Variants in MRPL28 observed in about 807,000 individuals in gnomAD.
The protein encoded by MRPL28 is mitochondrial ribosomal protein L28.
In MRPL28, 25 loss-of-function variants were observed where a neutral mutation model predicts 26.2. That is an observed-to-expected ratio of 0.95 (90% CI 0.69 to 1.33). MRPL28 has a LOEUF of 1.33. Ranked by LOEUF, MRPL28 falls within the 40% of genes most tolerant of loss-of-function variation. The pLI is 0.00. For missense variants in MRPL28, 432 were observed against 327.2 expected, an observed-to-expected ratio of 1.32 and a Z score of -2.47; for synonymous variants, 227 against 140.1, an observed-to-expected ratio of 1.62 and a Z score of -4.38.
At position 368,925 on chromosome 16, in the gene MRPL28, G is replaced by A. The variant is rs1027075756; in HGVS notation, c.441+143C>T. ...AACCCCACTGGTGCTGGCCAGAAAGGGGCATGGCCCCACTCACGCTTTCCC... is the reference window on the plus strand; with the variant it reads ...AACCCCACTGGTGCTGGCCAGAAAGAGGCATGGCCCCACTCACGCTTTCCC... On this transcript the variant is annotated intron_variant, in intron 3 of 5. Transcript: ENST00000199706. 3.5e-6 allele frequency: 4 copies of A among 1,152,094 alleles called. No individual in the cohort carries two copies. The South Asian group carries it at 4.8e-5, about 14-fold the overall frequency. The allele number at this position is 1,152,094 out of a possible 1,614,324, so 71.4% of individuals were successfully genotyped here. A position where few individuals can be genotyped will look rare whatever the true frequency, so the allele number is the denominator to read the frequency against.
At position 367,540 on chromosome 16, in the gene MRPL28, T is replaced by A. The variant is rs1240049584; in HGVS notation, c.*135A>T. 1.2e-6 allele frequency: 1 copy of A among 822,976 alleles called. No individual in the cohort carries two copies. Among genetic ancestry groups the A allele is most frequent in the African/African-American group, 1.7e-5 (1 of 58,978 alleles). The allele number at this position is 822,976 out of a possible 1,614,324, so 51.0% of individuals were successfully genotyped here. A position where few individuals can be genotyped will look rare whatever the true frequency, so the allele number is the denominator to read the frequency against. On this transcript the variant is annotated 3_prime_UTR_variant, in exon 6 of 6. Transcript: ENST00000199706. Reference sequence around the variant, plus strand: ...AGCTGGCCCCGGGCTGGAAGGTGCATGGGCAGCACACGAAACCAGGATCCA... The same window carrying A: ...AGCTGGCCCCGGGCTGGAAGGTGCAAGGGCAGCACACGAAACCAGGATCCA...
intron 2 of MRPL28, chr16:369,496 G>GACCCC (rs1256048868): frequency 1.6e-6 from 1 of 630,272 alleles, no homozygotes. Flanking sequence ...AAACATGTGC[G>GACCCC]ACCCCACAGT....
rs757199021 is a variant in MRPL28, at chr16:370,152, G to T, written c.67C>A (p.Arg23Ser). ...RLQLREGICS[R>S]LPGHYLRSLE... ...GAGCGCAGGTAGTGGCCGGGCAGGC[G>T]GGAACAGATGCCCTCCCGCAGCTGC... The change falls in exon 2 of 6, where the codon CGC (arginine) becomes AGC (serine). Residue 23 changes from arginine to serine, a missense_variant. Arg to Ser is a moderately radical substitution (Grantham distance 110, BLOSUM62 -1). Transcript: ENST00000199706. The T allele has an allele frequency of 6.2e-7, 1 of 1,602,440 alleles. No individual in the cohort carries two copies. The highest frequency in any genetic ancestry group is 8.5e-7 in the Non-Finnish European group (1 of 1,176,540).
chr16:367,769 A>G lies in MRPL28; in HGVS notation c.677T>C (p.Leu226Pro). Reference sequence around the variant, plus strand: ...CAGCTCCGCCACATAGATCTTGAACAGGGGTACAGGGTCCTGAAGGAGAGA... The same window carrying G: ...CAGCTCCGCCACATAGATCTTGAACGGGGGTACAGGGTCCTGAAGGAGAGA... ...RLLEEKDPVP[L>P]FKIYVAELIQ... Residue 226 changes from leucine to proline, a missense_variant, in exon 6 of 6, where the codon CTG (leucine) becomes CCG (proline). Physicochemically the swap from Leu to Pro is moderately conservative, Grantham distance 98. Transcript: ENST00000199706. 3 of 1,613,720 alleles carry G rather than the reference A, an allele frequency of 1.9e-6. No individual in the cohort carries two copies. The highest frequency in any genetic ancestry group is 2.5e-6 in the Non-Finnish European group (3 of 1,179,970).
At position 370,183 on chromosome 16, in the gene MRPL28, C is replaced by T. The variant is rs904902651; in HGVS notation, c.36G>A (p.Lys12=). The T allele has an allele frequency of 6.3e-7, 1 of 1,598,682 alleles. No individual in the cohort carries two copies. The highest frequency in any genetic ancestry group is 8.5e-7 in the Non-Finnish European group (1 of 1,176,754). The part of the protein sequence containing the change: ...PLHKYPVWLW[K]RLQLREGICS... ...AGATGCCCTCCCGCAGCTGCAGCCG[C>T]TTCCAGAGCCACACGGGATACTTGT... Residue 12 remains lysine (K), a synonymous_variant, in exon 2 of 6, where the codon AAG becomes AAA. Coordinates refer to ENST00000199706, the MANE Select transcript of MRPL28 (RefSeq NM_006428.5).
intron 2 of MRPL28, 34 bp from the exon 3 acceptor site, chr16:369,254 T>C: frequency 6.3e-7 from 1 of 1,599,190 alleles, no homozygotes; most frequent in East Asian, 2.3e-5. Context: ...TGAGTACTGC[T>C]GCTTTCTCTT....
intron 5 of MRPL28, 50 bp from the exon 6 acceptor site, chr16:367,832 G>A: frequency 1.3e-6 from 2 of 1,527,382 alleles, no homozygotes; most frequent in South Asian, 1.1e-5. Flanking sequence ...CAGGGCAGCT[G>A]GAGTTCCGAC....
rs893174904 is a variant in MRPL28, at chr16:367,147, G to A, written c.*528C>T. 1.3e-5 allele frequency among the ~76,000 whole-genome samples: 2 copies of A among 152,202 alleles called. No individual in the cohort carries two copies. The highest frequency in any genetic ancestry group is 4.8e-5 in the African/African-American group (2 of 41,446). ...TTGAACTCTGGAGGTGGAGGTTGTA[G>A]TGAGTCCAGATCGTGCCACTGCACT... On this transcript the variant is annotated 3_prime_UTR_variant, in exon 6 of 6. Coordinates refer to ENST00000199706, the MANE Select transcript of MRPL28 (RefSeq NM_006428.5).
chr16:369,881 G>A (rs780310334), intron 2 of MRPL28, 50 bp downstream of exon 2: 65 of 1,567,098 alleles, frequency 4.1e-5, no homozygotes, highest in Non-Finnish European at 5.4e-5. Flanking sequence ...GCACAGAGCC[G>A]GCACAGCCAA....
In MRPL28 at chr16:369,990, G is replaced by A; in HGVS notation, c.229C>T (p.Arg77Trp). ...IPIYFPPESQ[R>W]GLWGGEGWIL... ...CAGCCCTCGCCGCCCCACAACCCCC[G>A]CTGGGATTCGGGGGGAAAGTAGATG... Residue 77 changes from arginine to tryptophan, a missense_variant, in exon 2 of 6, where the codon CGG becomes TGG. Transcript: ENST00000199706. 6.2e-7 allele frequency: 1 copy of A among 1,612,962 alleles called. No homozygotes were observed. Among genetic ancestry groups the A allele is most frequent in the Non-Finnish European group, 8.5e-7 (1 of 1,179,838 alleles).
At position 368,473 on chromosome 16, in the gene MRPL28, G is replaced by C. The variant is rs201192649; in HGVS notation, c.576+28C>G. The C allele has an allele frequency of 7.6e-5, 123 of 1,612,362 alleles. No individual in the cohort carries two copies. The African/African-American group carries it at 1.4e-3, about 19-fold the overall frequency. ...CCAGGGCCGGGCCACGAGTCCCCAG[G>C]TGTAGGGAGCGGGACGGAAACCCTC... On this transcript the variant is annotated intron_variant, in intron 4 of 5. Coordinates refer to ENST00000199706, the MANE Select transcript of MRPL28 (RefSeq NM_006428.5).
rs1484850127 is a variant in MRPL28 at position 367,058 on chromosome 16, G to A, written c.*617C>T. On this transcript the variant is annotated 3_prime_UTR_variant, in exon 6 of 6. Coordinates refer to ENST00000199706, the MANE Select transcript of MRPL28 (RefSeq NM_006428.5). ...CCCCTTCTCTACTAAAATACAATTA[G>A]CCATACATGATAGCGGGGTGCCTGT... 6.6e-6 allele frequency among the ~76,000 whole-genome samples: 1 copy of A among 152,002 alleles called. No individual in the cohort carries two copies. Among genetic ancestry groups the A allele is most frequent in the East Asian group, 1.9e-4 (1 of 5,184 alleles).
At position 367,281 on chromosome 16, in the gene MRPL28, G is replaced by A. The variant is rs62032959; in HGVS notation, c.*394C>T. 0.26 allele frequency: 152,325 copies of A among 584,738 alleles called. 22,646 individuals carry two copies. The highest frequency in any genetic ancestry group is 0.46 in the South Asian group (20,248 of 44,164). The allele number at this position is 584,738 out of a possible 1,614,324, so 36.2% of individuals were successfully genotyped here. On this transcript the variant is annotated 3_prime_UTR_variant, in exon 6 of 6. Coordinates refer to ENST00000199706, the MANE Select transcript of MRPL28 (RefSeq NM_006428.5). ...TGCAGCTCACCGGGGGACGGGCACA[G>A]CCAGAGTCAATGCCCACGGCTCATC...
rs766466872 is a variant in MRPL28, at chr16:370,239, G to T, written c.-7-14C>A. 6.5e-7 allele frequency: 1 copy of T among 1,537,476 alleles called. No individual in the cohort carries two copies. Among genetic ancestry groups the T allele is most frequent in the South Asian group, 1.2e-5 (1 of 84,146 alleles). ...GGCATCGCGAGCCTGGCGGGAGGTG[G>T]GGGCTCGCAGTCAGTCGCAGCCTGG... On this transcript the variant is annotated splice_polypyrimidine_tract_variant and intron_variant, in intron 1 of 5. Transcript: ENST00000199706.
intron 2 of MRPL28, 63 bp from the exon 3 acceptor site, chr16:369,283 A>AG (rs11434190): frequency 1 from 1,579,835 of 1,579,866 alleles, 789,902 homozygotes; most frequent in Middle Eastern, 1. Context: ...AGGGGGGCCC[A>AG]GGCAACTGCC....
chr16:370,259 G>A, intron 1 of MRPL28, 34 bp from the exon 2 acceptor site: 1 of 1,303,738 alleles, frequency 7.7e-7, no homozygotes, highest in Non-Finnish European at 9.9e-7. Flanking sequence ...GTCAGTCGCA[G>A]CCTGGCCAGG....
intron 5 of MRPL28, among the ~76,000 whole-genome samples, chr16:368,100 G>A (rs2054277230): frequency 6.6e-6 from 1 of 152,184 alleles, no homozygotes; most frequent in Non-Finnish European, 1.5e-5. Context: ...AACCCTCAGT[G>A]CAGGAACCCA....
Position 368,529 on chromosome 16 carries a change from C to A in MRPL28, c.548G>T (p.Arg183Leu). 3 of 1,594,650 alleles carry A rather than the reference C, an allele frequency of 1.9e-6. No homozygotes were observed. The highest frequency in any genetic ancestry group is 1.7e-4 in the Middle Eastern group (1 of 5,972). The change falls in exon 4 of 6, where the codon CGG (arginine) becomes CTG (leucine). Residue 183 changes from arginine (R) to leucine (L), a missense_variant. Coordinates refer to ENST00000199706, the MANE Select transcript of MRPL28 (RefSeq NM_006428.5). ...DPQLHPEDPE[R>L]RAAIYDKYKE... is the part of the protein sequence containing the mutation. ...GTACTTGTCGTAGATGGCTGCCCGC[C>A]GCTCGGGGTCCTCGGGGTGCAGCTG...
chr16:368,855 G>A (rs1156721924), intron 3 of MRPL28: 11 of 979,732 alleles, frequency 1.1e-5, no homozygotes, highest in Non-Finnish European at 1.5e-5. Context: ...GGCCCCACGG[G>A]CAAGTCAGCC....
Sources: gnomAD v4.1 joint callset for allele counts (sites outside exome capture counted in the v4.1 genomes callset) on GRCh38, gnomAD v4.1.1 for gene constraint, MANE v1.5 for transcripts, NCBI Gene and HGNC (gene_info 2026-07-23, HGNC 2026-07-21) for gene names.